Variants in NAP1L1 observed in about 807,000 individuals in gnomAD.
NAP1L1 encodes the protein nucleosome assembly protein 1-like 1.
NAP1L1 carries 9 observed loss-of-function variants against 58.9 expected under a neutral mutation model. The ratio of observed to expected loss-of-function variants is 0.15; its 90% CI spans 0.09 to 0.27. NAP1L1 has a LOEUF of 0.27. Among genes scored for constraint, NAP1L1 ranks in the 10% least tolerant of loss-of-function variants. The pLI is 1.00. For synonymous variants in NAP1L1, 130 were observed against 138.3 expected (o/e 0.94, Z 0.42); for missense variants, 302 against 458.8 (o/e 0.66, Z 3.12).
intron 1 of NAP1L1, among the ~76,000 whole-genome samples, chr12:76,081,042 G>C (rs1024020410): frequency 6.6e-6 from 1 of 150,904 alleles, no homozygotes; most frequent in Non-Finnish European, 1.5e-5. Context: ...CCTCGATCTT[G>C]GATTTCTCAG....
rs1036835085 is a variant in NAP1L1 at position 76,040,134 on chromosome 12, T to C, written c.*8295A>G. ...TTCCAAAATGATGGGGAAAAGCATATGTTTTTCTCCCTGAACAGGCATACA... is the reference window on the plus strand; with the variant it reads ...TTCCAAAATGATGGGGAAAAGCATACGTTTTTCTCCCTGAACAGGCATACA... On this transcript the variant is annotated 3_prime_UTR_variant, in exon 15 of 15. Coordinates refer to ENST00000618691, the MANE Select transcript of NAP1L1 (RefSeq NM_004537.7). 3 of 152,188 alleles carry C rather than the reference T, an allele frequency of 2.0e-5. No individual in the cohort carries two copies. Among genetic ancestry groups the C allele is most frequent in the African/African-American group, 7.2e-5 (3 of 41,440 alleles). 9.4% of individuals were successfully genotyped at this position (152,188 alleles called of 1,614,324 possible). A position where few individuals can be genotyped will look rare whatever the true frequency, so the allele number is the denominator to read the frequency against.
intron 2 of NAP1L1, among the ~76,000 whole-genome samples, chr12:76,070,196 C>G (rs567626383): frequency 6.6e-6 from 1 of 152,034 alleles, no homozygotes; most frequent in East Asian, 1.9e-4. Context: ...AATCTCAGCT[C>G]ACTGCAACCT....
chr12:76,069,017 C>G (rs774729922), intron 2 of NAP1L1, 23 bp from the exon 3 acceptor site: 6 of 1,546,458 alleles, frequency 3.9e-6, no homozygotes, highest in Admixed American at 1.9e-5. Flanking sequence ...AGTATCACAC[C>G]AAGGTTCAAA....
In NAP1L1 at chr12:76,046,364, C is replaced by T. The variant is rs1456614930; in HGVS notation, c.*2065G>A. 1 of 152,294 alleles carries T rather than the reference C, an allele frequency of 6.6e-6. No homozygotes were observed. Among genetic ancestry groups the T allele is most frequent in the Non-Finnish European group, 1.5e-5 (1 of 67,890 alleles). The allele number at this position is 152,294 out of a possible 1,614,324, so 9.4% of individuals were successfully genotyped here. On this transcript the variant is annotated 3_prime_UTR_variant, in exon 15 of 15. Coordinates refer to ENST00000618691, the MANE Select transcript of NAP1L1 (RefSeq NM_004537.7). ...ATGTAACAAGACTAGGTATTATCTACACCTTCACTTTGGCAATAGCTATTT... is the reference window on the plus strand; with the variant it reads ...ATGTAACAAGACTAGGTATTATCTATACCTTCACTTTGGCAATAGCTATTT...
At chr12:76,048,586 C>A (rs1041556754) in intron 14 of NAP1L1, 122 bp from the exon 15 acceptor site, 6 of 910,340 alleles carry the variant, frequency 6.6e-6, no homozygotes, top group Non-Finnish European at 1.0e-5. Context: ...TGGTATAGGA[C>A]AATGGTGGTA....
Position 76,076,547 on chromosome 12 carries a change from GAAAT to G in NAP1L1, c.-20-2312_-20-2309del, listed in dbSNP as rs1448407686. On this transcript the variant is annotated intron_variant, in intron 1 of 14. Transcript: ENST00000618691. ...TATGCCGAAATCCCCTTTGGATATGGAAATATATATATATATATATATATATATA... is the reference window on the plus strand; with the variant it reads ...TATGCCGAAATCCCCTTTGGATATGGATATATATATATATATATATATATA... Among the ~76,000 whole-genome samples the G allele has an allele frequency of 3.0e-4, 24 of 79,494 alleles. No homozygotes were observed. In the Admixed American group the frequency reaches 3.6e-3, roughly 12 times the overall value. 52.2% of individuals were successfully genotyped at this position (79,494 alleles called of 152,430 possible). A position where few individuals can be genotyped will look rare whatever the true frequency, so the allele number is the denominator to read the frequency against.
intron 7 of NAP1L1, 152 bp from the exon 8 acceptor site, chr12:76,055,242 G>A: frequency 2.0e-6 from 1 of 490,506 alleles, no homozygotes; most frequent in Non-Finnish European, 3.5e-6. Context: ...CCAGGTTATG[G>A]CTTATACTAA....
At chr12:76,049,334 TTACTC>T in intron 13 of NAP1L1, 84 bp from the exon 14 acceptor site, 1 of 1,605,362 alleles carries the variant, frequency 6.2e-7, no homozygotes, top group Non-Finnish European at 8.5e-7. Context: ...TTAATACAAG[TTACTC>T]TACGGATCAA....
intron 1 of NAP1L1, among the ~76,000 whole-genome samples, chr12:76,080,886 C>A (rs1009067533): frequency 2.6e-5 from 4 of 152,096 alleles, no homozygotes; most frequent in Non-Finnish European, 5.9e-5. Context: ...TAATGTATTT[C>A]TTTATAAATT....
chr12:76,066,354 A>G (rs1439346307), intron 4 of NAP1L1, among the ~76,000 whole-genome samples: 3 of 152,080 alleles, frequency 2.0e-5, no homozygotes, highest in Non-Finnish European at 2.9e-5. Flanking sequence ...TACTAAAATA[A>G]AACTTAACTG....
rs956340226 is a variant in NAP1L1, at chr12:76,057,546, T to C, written c.430-1385A>G. 3.7e-6 allele frequency: 3 copies of C among 808,964 alleles called. No homozygotes were observed. The African/African-American group carries it at 5.0e-5, about 14-fold the overall frequency. 50.1% of individuals were successfully genotyped at this position (808,964 alleles called of 1,614,324 possible). A position where few individuals can be genotyped will look rare whatever the true frequency, so the allele number is the denominator to read the frequency against. ...CTGCCTGGGTTTGTGAAATGGCTGCTGACGTTTCCGATTCCAATAGGGCTG... is the reference window on the plus strand; with the variant it reads ...CTGCCTGGGTTTGTGAAATGGCTGCCGACGTTTCCGATTCCAATAGGGCTG... On this transcript the variant is annotated intron_variant, in intron 6 of 14. Transcript: ENST00000618691.
At chr12:76,060,492 AAAC>A (rs1949358906) in intron 4 of NAP1L1, among the ~76,000 whole-genome samples, 1 of 152,260 alleles carries the variant, frequency 6.6e-6, no homozygotes, top group Admixed American at 6.5e-5. Flanking sequence ...GTAAATTGAT[AAAC>A]AAAATGTAAA....
intron 12 of NAP1L1, among the ~76,000 whole-genome samples, chr12:76,050,269 C>A (rs1050514815): frequency 6.6e-6 from 1 of 152,080 alleles, no homozygotes; most frequent in Non-Finnish European, 1.5e-5. Context: ...CATAATAGAT[C>A]TATAGCACTA....
At position 76,049,186 on chromosome 12, in the gene NAP1L1, C is replaced by G; in HGVS notation, c.1140+14G>C. The G allele has an allele frequency of 1.2e-6, 2 of 1,609,224 alleles. No homozygotes were observed. Among genetic ancestry groups the G allele is most frequent in the Non-Finnish European group, 1.7e-6 (2 of 1,175,984 alleles). On this transcript the variant is annotated intron_variant, in intron 14 of 14. Coordinates refer to ENST00000618691, the MANE Select transcript of NAP1L1 (RefSeq NM_004537.7). ...ATCTTAAATTTAATAGAAAGCAGCA[C>G]TAATTTTGCTCACCTTTGGGTCATA...
At chr12:76,080,108 C>G (rs1221156750) in intron 1 of NAP1L1, among the ~76,000 whole-genome samples, 1 of 152,176 alleles carries the variant, frequency 6.6e-6, no homozygotes, top group Non-Finnish European at 1.5e-5. Context: ...AAACCATTAC[C>G]CAACTGCAGT....
chr12:76,078,441 A>T (rs1333091109), intron 1 of NAP1L1, among the ~76,000 whole-genome samples: 1 of 152,208 alleles, frequency 6.6e-6, no homozygotes, highest in Admixed American at 6.5e-5. Context: ...AAAAATTCAT[A>T]CAAGTAATTT....
intron 1 of NAP1L1, among the ~76,000 whole-genome samples, chr12:76,080,122 A>G (rs540731001): frequency 1.3e-5 from 2 of 152,368 alleles, no homozygotes; most frequent in South Asian, 4.1e-4. Context: ...CTGCAGTCAC[A>G]TAACGTTTCA....
At chr12:76,053,952 C>T (rs2136976523) in intron 8 of NAP1L1, 43 bp from the exon 9 acceptor site, 1 of 1,564,016 alleles carries the variant, frequency 6.4e-7, no homozygotes, top group Non-Finnish European at 8.6e-7. Flanking sequence ...ACCTACCTCA[C>T]ATATTTCAGT....
At position 76,047,409 on chromosome 12, in the gene NAP1L1, A is replaced by C. The variant is rs1592599546; in HGVS notation, c.*1020T>G. The C allele has an allele frequency of 6.7e-6, 1 of 148,560 alleles. No homozygotes were observed. Among genetic ancestry groups the C allele is most frequent in the Non-Finnish European group, 1.5e-5 (1 of 66,958 alleles). The allele number at this position is 148,560 out of a possible 1,614,324, so 9.2% of individuals were successfully genotyped here. A position where few individuals can be genotyped will look rare whatever the true frequency, so the allele number is the denominator to read the frequency against. Reference sequence around the variant, plus strand: ...TTTTTAAAAGAAAACAGCATCAATCACTTAAGATTTTCTTCCTCTTTTTTT... The same window carrying C: ...TTTTTAAAAGAAAACAGCATCAATCCCTTAAGATTTTCTTCCTCTTTTTTT... On this transcript the variant is annotated 3_prime_UTR_variant, in exon 15 of 15. Coordinates refer to ENST00000618691, the MANE Select transcript of NAP1L1 (RefSeq NM_004537.7).
Sources: gnomAD v4.1 joint callset for allele counts (sites outside exome capture counted in the v4.1 genomes callset) on GRCh38, gnomAD v4.1.1 for gene constraint, MANE v1.5 for transcripts, NCBI Gene and HGNC (gene_info 2026-07-23, HGNC 2026-07-21) for gene names.